The following TPO variants were observed in gnomAD, a reference collection of about 807,000 sequenced individuals.
TPO encodes the protein thyroid peroxidase, also known as thyroid microsomal antigen.
In TPO, 78 loss-of-function variants were observed where a neutral mutation model predicts 96.9. The observed-to-expected ratio is 0.81, with a 90% CI of 0.67 to 0.97. TPO has a LOEUF of 0.97. Among genes scored for constraint, TPO ranks in the 50% least tolerant of loss-of-function variants. TPO has a pLI of 0.00. For synonymous variants in TPO, 547 were observed against 538.0 expected (o/e 1.02, Z -0.23); for missense variants, 1,252 against 1,274.8 (o/e 0.98, Z 0.27).
At chr2:1,479,256 G>C (rs11678545) in intron 8 of TPO, among the ~76,000 whole-genome samples, 8,110 of 152,254 alleles carry the variant, frequency 0.053, 285 homozygotes, top group East Asian at 0.15. Flanking sequence ...GGCCTTCGGC[G>C]CTCCTGTCTG....
intron 6 of TPO, among the ~76,000 whole-genome samples, chr2:1,454,568 G>C (rs1034433423): frequency 6.6e-6 from 1 of 152,164 alleles, no homozygotes; most frequent in Non-Finnish European, 1.5e-5. Flanking sequence ...AGAGCTGGAG[G>C]CTGTGTCACT....
chr2:1,439,880 C>T (rs1224463690), intron 5 of TPO, among the ~76,000 whole-genome samples: 1 of 152,152 alleles, frequency 6.6e-6, no homozygotes, highest in East Asian at 1.9e-4. Flanking sequence ...CAAGAACCAC[C>T]CCAAAGGCAT....
intron 2 of TPO, among the ~76,000 whole-genome samples, chr2:1,416,207 G>T (rs1662945123): frequency 6.6e-6 from 1 of 152,176 alleles, no homozygotes; most frequent in Non-Finnish European, 1.5e-5. Context: ...ACAATATAAA[G>T]AACCTCAGGA....
intron 7 of TPO, among the ~76,000 whole-genome samples, chr2:1,472,852 G>GGA (rs1553313730): frequency 4.2e-5 from 2 of 47,306 alleles, no homozygotes; most frequent in Non-Finnish European, 8.4e-5. Context: ...AAAAAAAAAA[G>GGA]GAGAGAGAGA....
chr2:1,437,694 C>T (rs1387487501), intron 5 of TPO, among the ~76,000 whole-genome samples: 2 of 152,226 alleles, frequency 1.3e-5, no homozygotes, highest in African/African-American at 4.8e-5. Context: ...AAGCCCACAG[C>T]AGGAATGCAT....
intron 10 of TPO, among the ~76,000 whole-genome samples, chr2:1,490,583 C>T (rs950881766): frequency 2.6e-5 from 4 of 152,302 alleles, no homozygotes; most frequent in African/African-American, 9.6e-5. Context: ...CCCCAGCCAC[C>T]GTAGAAGGCC....
At chr2:1,390,592 G>A (rs1661985103) in intron 1 of TPO, among the ~76,000 whole-genome samples, 1 of 152,144 alleles carries the variant, frequency 6.6e-6, no homozygotes, top group African/African-American at 2.4e-5. Flanking sequence ...CTAGATCCTT[G>A]AGGGATCGCC....
chr2:1,491,790 G>A (rs1671790563), intron 10 of TPO, among the ~76,000 whole-genome samples: 1 of 152,190 alleles, frequency 6.6e-6, no homozygotes, highest in African/African-American at 2.4e-5. Context: ...TGTTGGAGGT[G>A]CTGAGATGGA....
intron 15 of TPO, among the ~76,000 whole-genome samples, chr2:1,526,480 A>G (rs1437241870): frequency 7.3e-6 from 1 of 137,246 alleles, no homozygotes; most frequent in Non-Finnish European, 1.5e-5. Context: ...CACTGTGTGC[A>G]ACCTCAAGTC....
At chr2:1,512,124 C>G (rs559155875) in intron 14 of TPO, among the ~76,000 whole-genome samples, 1 of 152,232 alleles carries the variant, frequency 6.6e-6, no homozygotes, top group East Asian at 1.9e-4. Flanking sequence ...AGCTCCACCT[C>G]CCGGGTTCAC....
At chr2:1,399,963 C>T (rs1047208889) in intron 1 of TPO, among the ~76,000 whole-genome samples, 1 of 152,218 alleles carries the variant, frequency 6.6e-6, no homozygotes, top group Non-Finnish European at 1.5e-5. Flanking sequence ...AGCTGCCACC[C>T]ATGGCCGCCA....
At chr2:1,537,232 C>A (rs1419493845) in intron 15 of TPO, among the ~76,000 whole-genome samples, 5 of 103,804 alleles carry the variant, frequency 4.8e-5, no homozygotes, top group South Asian at 3.2e-4. Context: ...CCCAAATCCC[C>A]CAACTGTTTC....
At chr2:1,541,271 G>T (rs1572061950) in intron 16 of TPO, 1 of 983,480 alleles carries the variant, frequency 1.0e-6, no homozygotes, top group South Asian at 3.4e-5. Context: ...CAAAGTCTCA[G>T]GCAGGAGGAG....
chr2:1,508,369 G>A (rs1402607361), intron 14 of TPO, among the ~76,000 whole-genome samples: 16 of 152,114 alleles, frequency 1.1e-4, no homozygotes, highest in Non-Finnish European at 2.1e-4. Flanking sequence ...GTCTCTGCCC[G>A]GCTTTGGTAT....
Position 1,477,583 on chromosome 2 carries a change from G to A in TPO, c.1317G>A (p.Lys439=), listed in dbSNP as rs28910598. 4,424 of 1,534,284 alleles carry A rather than the reference G, an allele frequency of 2.9e-3. 8 individuals are homozygous for A. Among genetic ancestry groups the A allele is most frequent in the Non-Finnish European group, 3.6e-3 (4,160 of 1,146,314 alleles). ...SADAVYQEAR[K]VVGALHQIIT... ...ACGCCGTGTACCAGGAGGCGCGCAA[G>A]GTCGTGGGCGCTCTGCACCAGGTGC... Residue 439 remains lysine (K), a synonymous_variant, in exon 8 of 17, where the codon AAG becomes AAA. Transcript: ENST00000329066.
intron 8 of TPO, among the ~76,000 whole-genome samples, chr2:1,479,802 G>C (rs971299157): frequency 2.3e-5 from 3 of 132,314 alleles, no homozygotes; most frequent in Non-Finnish European, 4.9e-5. Flanking sequence ...CTTTTTTTTT[G>C]AGACAGTCTC....
intron 5 of TPO, among the ~76,000 whole-genome samples, chr2:1,450,178 T>C (rs750979217): frequency 6.6e-6 from 1 of 152,258 alleles, no homozygotes; most frequent in South Asian, 2.1e-4. Flanking sequence ...CTTCTTTTCA[T>C]GGGCGGCACA....
intron 7 of TPO, among the ~76,000 whole-genome samples, chr2:1,467,133 C>T (rs373997627): frequency 1.2e-4 from 18 of 150,530 alleles, no homozygotes; most frequent in African/African-American, 2.7e-4. Flanking sequence ...GATGGAGTTT[C>T]GCTCTTGTTG....
intron 15 of TPO, among the ~76,000 whole-genome samples, chr2:1,538,977 C>T (rs28913042): frequency 0.32 from 48,826 of 151,794 alleles, 8,109 homozygotes; most frequent in South Asian, 0.38. Context: ...TTCTCCCCTG[C>T]GTGTCTGTAT....
Sources: gnomAD v4.1 joint callset for allele counts (sites outside exome capture counted in the v4.1 genomes callset) on GRCh38, gnomAD v4.1.1 for gene constraint, MANE v1.5 for transcripts, NCBI Gene and HGNC (gene_info 2026-07-23, HGNC 2026-07-21) for gene names.